ATR: variants seen among roughly 807,000 people sequenced by gnomAD.
ATR encodes the protein ATR checkpoint kinase.
A neutral mutation model predicts 305.3 loss-of-function variants in ATR; 142 were observed. That is an observed-to-expected ratio of 0.47 (90% CI 0.41 to 0.53). ATR has a LOEUF of 0.53. Among genes scored for constraint, ATR ranks in the 20% least tolerant of loss-of-function variants. The probability of loss-of-function intolerance (pLI) is 0.00; values close to 1 mark genes in which losing one functional copy is unlikely to be tolerated. For missense variants in ATR, 2,135 were observed against 3,133.1 expected (o/e 0.68, Z 7.60); for synonymous variants, 1,050 against 1,068.1 (o/e 0.98, Z 0.33).
intron 28 of ATR, among the ~76,000 whole-genome samples, chr3:142,506,346 T>C (rs1021874445): frequency 3.3e-5 from 5 of 152,094 alleles, no homozygotes; most frequent in African/African-American, 9.7e-5. Context: ...CATCTTGAAA[T>C]TGAGAACACA....
intron 30 of ATR, chr3:142,500,127 C>A (rs1475962031): frequency 5.5e-6 from 1 of 180,388 alleles, no homozygotes; most frequent in Non-Finnish European, 1.2e-5. Flanking sequence ...ACTCAGAATT[C>A]TGAATTAAAT....
At position 142,549,613 on chromosome 3, in the gene ATR, G is replaced by C. The variant is rs755521280; in HGVS notation, c.3037C>G (p.Leu1013Val). Reference protein sequence around the residue: ...AAKASPAASALIRTLGKQLNV... With the variant: ...AAKASPAASAVIRTLGKQLNV... ...AATTGTTTTCCTAAAGTTCGAATGA[G>C]AGCAGAAGCTGCAGGGCTTGCTTTG... The change falls in exon 15 of 47, where the codon CTC becomes GTC. Residue 1013 changes from leucine (L) to valine (V), a missense_variant. Physicochemically the swap from Leu to Val is conservative, Grantham distance 32. Transcript: ENST00000350721. 1 of 1,613,658 alleles carries C rather than the reference G, an allele frequency of 6.2e-7. No individual in the cohort carries two copies. The highest frequency in any genetic ancestry group is 8.5e-7 in the Non-Finnish European group (1 of 1,179,794).
At chr3:142,551,517 T>C (rs6440088) in intron 13 of ATR, among the ~76,000 whole-genome samples, 96,881 of 152,048 alleles carry the variant, frequency 0.64, 32,111 homozygotes, top group African/African-American at 0.83. Context: ...AGAAATAAGA[T>C]GACACACCTA....
Position 142,466,492 on chromosome 3 carries a change from A to G in ATR, c.6729T>C (p.Phe2243=). Reference sequence around the variant, plus strand: ...CTTCTACCAGCTTTTTAAGCATTTTAAAATGAGTGCTCATGCTTAATGTGG... The same window carrying G: ...CTTCTACCAGCTTTTTAAGCATTTTGAAATGAGTGCTCATGCTTAATGTGG... ...SSSTLSMSTH[F]KMLKKLVEEA... is the part of the protein sequence containing the mutation. Residue 2243 remains phenylalanine, a synonymous_variant, in exon 40 of 47, where the codon TTT becomes TTC. Coordinates refer to ENST00000350721, the MANE Select transcript of ATR (RefSeq NM_001184.4). 1.2e-6 allele frequency: 2 copies of G among 1,613,926 alleles called. No homozygotes were observed. Among genetic ancestry groups the G allele is most frequent in the Non-Finnish European group, 1.7e-6 (2 of 1,179,878 alleles).
intron 36 of ATR, among the ~76,000 whole-genome samples, chr3:142,483,425 A>C (rs1244921506): frequency 6.6e-6 from 1 of 152,202 alleles, no homozygotes; most frequent in Non-Finnish European, 1.5e-5. Flanking sequence ...TATTTCACCT[A>C]TTAACTAGTT....
intron 1 of ATR, among the ~76,000 whole-genome samples, chr3:142,573,666 G>GA (rs1315932358): frequency 5.9e-5 from 9 of 151,956 alleles, no homozygotes; most frequent in Admixed American, 1.3e-4. Flanking sequence ...AAAGAAACAG[G>GA]AAAAAAACAA....
At chr3:142,481,830 AT>A (rs113829981) in intron 36 of ATR, among the ~76,000 whole-genome samples, 4,020 of 147,854 alleles carry the variant, frequency 0.027, 82 homozygotes, top group African/African-American at 0.052. Flanking sequence ...TTATTTATTT[AT>A]TTTTTTTTTG....
At chr3:142,566,919 T>C (rs1366569504) in intron 2 of ATR, among the ~76,000 whole-genome samples, 1 of 152,080 alleles carries the variant, frequency 6.6e-6, no homozygotes, top group Non-Finnish European at 1.5e-5. Flanking sequence ...AATTTTGGTA[T>C]TTTTAGTAGA....
chr3:142,475,803 G>C (rs1420600715), intron 36 of ATR, among the ~76,000 whole-genome samples: 1 of 152,180 alleles, frequency 6.6e-6, no homozygotes, highest in East Asian at 1.9e-4. Context: ...ACTGGTGTGA[G>C]ATGGTATCTC....
chr3:142,578,728 A>C lies in ATR; in HGVS notation c.-24T>G, dbSNP rs754349703. 1 of 1,609,568 alleles carries C rather than the reference A, an allele frequency of 6.2e-7. No homozygotes were observed. The highest frequency in any genetic ancestry group is 8.5e-7 in the Non-Finnish European group (1 of 1,178,762). ...ATGCTGAGGCTGCGAGGCACTAGTC[A>C]ACCACGCCAACGCGGGTTCCCGGCG... On this transcript the variant is annotated 5_prime_UTR_variant, in exon 1 of 47. Coordinates refer to ENST00000350721, the MANE Select transcript of ATR (RefSeq NM_001184.4).
Position 142,522,928 on chromosome 3 carries a change from T to C in ATR, c.4153-87A>G, listed in dbSNP as rs963265959. ...CTGCTTTTTCCATGGTGAATTTAAC[T>C]TAACTGCGTAAGTGAATTTAACTTA... On this transcript the variant is annotated intron_variant, in intron 22 of 46. Coordinates refer to ENST00000350721, the MANE Select transcript of ATR (RefSeq NM_001184.4). 3.2e-5 allele frequency: 32 copies of C among 995,582 alleles called. No homozygotes were observed. In the Admixed American group the frequency reaches 5.7e-4, roughly 18 times the overall value. 61.7% of individuals were successfully genotyped at this position (995,582 alleles called of 1,614,324 possible).
intron 45 of ATR, among the ~76,000 whole-genome samples, chr3:142,455,595 T>C (rs945459905): frequency 4.6e-5 from 7 of 152,060 alleles, no homozygotes; most frequent in African/African-American, 1.7e-4. Flanking sequence ...TGAAAATCAA[T>C]TGACCATTTC....
intron 5 of ATR, among the ~76,000 whole-genome samples, chr3:142,561,040 A>C (rs967590246): frequency 6.6e-6 from 1 of 152,258 alleles, no homozygotes; most frequent in Non-Finnish European, 1.5e-5. Context: ...AAAAACATGC[A>C]AAGTAACTAT....
At chr3:142,511,188 C>T (rs2032537889) in intron 27 of ATR, among the ~76,000 whole-genome samples, 1 of 151,276 alleles carries the variant, frequency 6.6e-6, no homozygotes, top group South Asian at 2.1e-4. Context: ...TGACAAAGAA[C>T]AGAGTACACA....
In ATR at chr3:142,556,531, G is replaced by A; in HGVS notation, c.1930C>T (p.Pro644Ser). Residue 644 changes from proline to serine, a missense_variant, in exon 9 of 47, where the codon CCA becomes TCA. Pro to Ser is a moderately conservative substitution (Grantham distance 74, BLOSUM62 -1). Transcript: ENST00000350721. ...SRCVFLLTLF[P>S]RRIFLEWRTA... ...CTCCACTCAAGGAATATTCTTCTTG[G>A]AAACAGAGTCAGAAGAAACACACAT... The A allele has an allele frequency of 6.2e-7, 1 of 1,614,034 alleles. No individual in the cohort carries two copies. The highest frequency in any genetic ancestry group is 1.1e-5 in the South Asian group (1 of 91,068).
At chr3:142,572,371 ACTTTTTTTTTT>A (rs1401401776) in intron 1 of ATR, among the ~76,000 whole-genome samples, 3 of 49,002 alleles carry the variant, frequency 6.1e-5, no homozygotes, top group Non-Finnish European at 9.2e-5. Context: ...GCCCGGCCTG[ACTTTTTTTTTT>A]TTTTTTTTTT....
At chr3:142,549,362 T>G (rs897676399) in intron 15 of ATR, 117 bp downstream of exon 15, 3 of 672,360 alleles carry the variant, frequency 4.5e-6, no homozygotes, top group Non-Finnish European at 7.0e-6. Flanking sequence ...ACATTTAAAC[T>G]TACATTCTTC....
In ATR at chr3:142,493,315, A is replaced by G. The variant is rs1438161183; in HGVS notation, c.5899-4T>C. Reference sequence around the variant, plus strand: ...TTAGTGCCTGGTGAACATCACCCTAAAAGAAAAAAGGCAACAATAAGCCTT... The same window carrying G: ...TTAGTGCCTGGTGAACATCACCCTAGAAGAAAAAAGGCAACAATAAGCCTT... On this transcript the variant is annotated splice_region_variant and splice_polypyrimidine_tract_variant and intron_variant, in intron 34 of 46. Transcript: ENST00000350721. 6.2e-7 allele frequency: 1 copy of G among 1,609,630 alleles called. No homozygotes were observed. The highest frequency in any genetic ancestry group is 1.3e-5 in the African/African-American group (1 of 74,794).
chr3:142,462,952 T>G (rs1325753315), intron 41 of ATR, among the ~76,000 whole-genome samples: 1 of 152,150 alleles, frequency 6.6e-6, no homozygotes, highest in African/African-American at 2.4e-5. Flanking sequence ...AGTATTATGT[T>G]TAATTCTAGA....
Sources: gnomAD v4.1 joint callset for allele counts (sites outside exome capture counted in the v4.1 genomes callset) on GRCh38, gnomAD v4.1.1 for gene constraint, MANE v1.5 for transcripts, NCBI Gene and HGNC (gene_info 2026-07-23, HGNC 2026-07-21) for gene names.